PPP4R2: variants seen among roughly 807,000 people sequenced by gnomAD.
The protein encoded by PPP4R2 is protein phosphatase 4 regulatory subunit 2.
PPP4R2 carries 13 observed loss-of-function variants against 47.2 expected under a neutral mutation model. The ratio of observed to expected loss-of-function variants is 0.28; its 90% CI spans 0.18 to 0.44. PPP4R2 has a LOEUF of 0.44. Ranked by LOEUF, PPP4R2 falls within the 20% of genes least tolerant of loss-of-function variation. The pLI, the probability that PPP4R2 is intolerant of heterozygous loss-of-function variation, is 1.00. For synonymous variants in PPP4R2, 151 were observed against 163.3 expected (o/e 0.92, Z 0.57); for missense variants, 421 against 491.2 (o/e 0.86, Z 1.35).
chr3:73,031,036 A>T (rs544088068), intron 2 of PPP4R2, among the ~76,000 whole-genome samples: 46 of 152,194 alleles, frequency 3.0e-4, no homozygotes, highest in African/African-American at 1.1e-3. Context: ...CTGGGTAATG[A>T]AGGGAGAGAG....
intron 3 of PPP4R2, among the ~76,000 whole-genome samples, chr3:73,050,273 C>G (rs940378257): frequency 6.6e-6 from 1 of 152,020 alleles, no homozygotes; most frequent in Non-Finnish European, 1.5e-5. Flanking sequence ...CCCGAACTTA[C>G]ATTTTTTAAA....
intron 2 of PPP4R2, among the ~76,000 whole-genome samples, chr3:73,021,627 A>C (rs1701961158): frequency 6.6e-6 from 1 of 152,112 alleles, no homozygotes; most frequent in African/African-American, 2.4e-5. Flanking sequence ...TCAAAGGGGA[A>C]GCTCTGTTTA....
Position 73,001,791 on chromosome 3 carries a change from A to G in PPP4R2, c.116+3633A>G, listed in dbSNP as rs141821572. Reference sequence around the variant, plus strand: ...GTAGCTGGGACTACAGGCACACACAACTAATTATTGTGTTTTTAGTAGAGA... The same window carrying G: ...GTAGCTGGGACTACAGGCACACACAGCTAATTATTGTGTTTTTAGTAGAGA... On this transcript the variant is annotated intron_variant, in intron 2 of 8. Coordinates refer to ENST00000356692, the MANE Select transcript of PPP4R2 (RefSeq NM_174907.4). 5.5e-3 allele frequency among the ~76,000 whole-genome samples: 840 copies of G among 151,790 alleles called. 4 individuals are homozygous for G. The highest frequency in any genetic ancestry group is 0.019 in the African/African-American group (807 of 41,406).
chr3:73,063,191 TTA>T (rs1350885627), intron 5 of PPP4R2: 5 of 413,692 alleles, frequency 1.2e-5, no homozygotes, highest in Non-Finnish European at 2.3e-5. Flanking sequence ...GCTCCTGATG[TTA>T]TACCAGGATC....
chr3:73,026,683 C>G (rs1329325264), intron 2 of PPP4R2, among the ~76,000 whole-genome samples: 2 of 143,750 alleles, frequency 1.4e-5, no homozygotes, highest in South Asian at 4.7e-4. Context: ...TTTCTTGAAA[C>G]ATTATGAGAT....
rs140763721 is a variant in PPP4R2, at chr3:73,063,044, T to C, written c.420-629T>C. The C allele has an allele frequency of 9.2e-4, 738 of 801,434 alleles. 6 individuals are homozygous for C. In the African/African-American group the frequency reaches 0.01, roughly 11 times the overall value. 49.6% of individuals were successfully genotyped at this position (801,434 alleles called of 1,614,324 possible). ...AAAAAAACAATGGTTAAAAAGGCAT[T>C]GGGGAAATATTTTGAGTTTGGGGGT... is the stretch of plus-strand genomic sequence containing the variant. On this transcript the variant is annotated intron_variant, in intron 5 of 8. Coordinates refer to ENST00000356692, the MANE Select transcript of PPP4R2 (RefSeq NM_174907.4).
At chr3:73,058,541 G>A (rs1258926832) in intron 3 of PPP4R2, among the ~76,000 whole-genome samples, 1 of 151,724 alleles carries the variant, frequency 6.6e-6, no homozygotes, top group Non-Finnish European at 1.5e-5. Context: ...TTGGTAAATA[G>A]TAGGTTTACA....
chr3:73,062,450 C>G, intron 5 of PPP4R2: 1 of 1,612,040 alleles, frequency 6.2e-7, no homozygotes, highest in Non-Finnish European at 8.5e-7. Context: ...ACCCTGTGAC[C>G]CCAAGTTTAG....
chr3:73,010,545 T>C (rs905885108), intron 2 of PPP4R2, among the ~76,000 whole-genome samples: 10 of 147,962 alleles, frequency 6.8e-5, no homozygotes, highest in Non-Finnish European at 5.9e-5. Context: ...CAGTATAATT[T>C]ACTTGTCTCT....
chr3:73,051,637 T>C (rs1702614950), intron 3 of PPP4R2, among the ~76,000 whole-genome samples: 1 of 152,198 alleles, frequency 6.6e-6, no homozygotes, highest in Admixed American at 6.5e-5. Flanking sequence ...TTTGTTTGTT[T>C]GGTTTTCGAG....
chr3:73,065,201 A>T (rs1047081076), intron 8 of PPP4R2, 60 bp downstream of exon 8: 5 of 1,479,242 alleles, frequency 3.4e-6, no homozygotes, highest in Non-Finnish European at 4.5e-6. Flanking sequence ...CTTGTACTTC[A>T]TTTTTTTCGT....
At chr3:73,030,586 G>A (rs1294865593) in intron 2 of PPP4R2, among the ~76,000 whole-genome samples, 1 of 151,342 alleles carries the variant, frequency 6.6e-6, no homozygotes, top group East Asian at 1.9e-4. Flanking sequence ...CCCTATGTAG[G>A]CACAGATTTG....
At chr3:73,010,085 T>C (rs1323512757) in intron 2 of PPP4R2, among the ~76,000 whole-genome samples, 1 of 152,234 alleles carries the variant, frequency 6.6e-6, no homozygotes. Flanking sequence ...AAGTGAATAA[T>C]AGCTAATTCA....
chr3:73,018,129 A>G (rs1254285666), intron 2 of PPP4R2, among the ~76,000 whole-genome samples: 1 of 152,030 alleles, frequency 6.6e-6, no homozygotes, highest in Non-Finnish European at 1.5e-5. Flanking sequence ...TATATTTCTT[A>G]TATTTTTATC....
chr3:73,023,449 G>A (rs1439522789), intron 2 of PPP4R2, among the ~76,000 whole-genome samples: 2 of 152,158 alleles, frequency 1.3e-5, no homozygotes, highest in African/African-American at 2.4e-5. Flanking sequence ...GCCTCACAAA[G>A]TGCTGGGATT....
At chr3:73,040,904 C>T (rs1229820953) in intron 2 of PPP4R2, among the ~76,000 whole-genome samples, 1 of 152,012 alleles carries the variant, frequency 6.6e-6, no homozygotes, top group Non-Finnish European at 1.5e-5. Flanking sequence ...TTGTCCCATG[C>T]AAATACCCGT....
chr3:73,065,598 G>T lies in PPP4R2; in HGVS notation c.1130G>T (p.Cys377Phe). Residue 377 changes from cysteine to phenylalanine, a missense_variant, in exon 9 of 9, where the codon TGC becomes TTC. Physicochemically the swap from Cys to Phe is radical, Grantham distance 205. Around this residue, in one of 2 missense-constraint regions of PPP4R2, gnomAD observed 317 missense variants for 287.5 expected, o/e 1.10. Transcript: ENST00000356692. ...EGPVSSSSSD[C>F]RETEELVGSN... ...CCTGTAAGTAGTAGTTCTTCTGACT[G>T]CCGTGAAACAGAAGAATTAGTAGGA... The T allele has an allele frequency of 6.2e-7, 1 of 1,613,298 alleles. No individual in the cohort carries two copies. The highest frequency in any genetic ancestry group is 8.5e-7 in the Non-Finnish European group (1 of 1,179,316).
intron 2 of PPP4R2, among the ~76,000 whole-genome samples, chr3:73,038,907 T>A (rs572165444): frequency 6.6e-6 from 1 of 152,322 alleles, no homozygotes; most frequent in African/African-American, 2.4e-5. Context: ...GGATCCTTTA[T>A]GTGTACAACC....
chr3:73,017,757 T>A (rs1701871053), intron 2 of PPP4R2, among the ~76,000 whole-genome samples: 1 of 151,910 alleles, frequency 6.6e-6, no homozygotes, highest in Admixed American at 6.6e-5. Context: ...GATGGAGTCT[T>A]GCTCTGTCGC....
Sources: gnomAD v4.1 joint callset for allele counts (sites outside exome capture counted in the v4.1 genomes callset) on GRCh38, gnomAD v4.1.1 for gene constraint, gnomAD v4.1.1 regional missense constraint, MANE v1.5 for transcripts, NCBI Gene and HGNC (gene_info 2026-07-23, HGNC 2026-07-21) for gene names.